ITPK1: variants seen among roughly 807,000 people sequenced by gnomAD.
ITPK1 encodes inositol-tetrakisphosphate 1-kinase.
Under a neutral mutation model 45.3 loss-of-function variants are expected in ITPK1, and 21 were observed. The ratio of observed to expected loss-of-function variants is 0.46; its 90% CI spans 0.33 to 0.67. The LOEUF (loss-of-function observed/expected upper bound fraction) is 0.67. ITPK1 is among the 30% of genes least tolerant of loss of function. The probability of loss-of-function intolerance (pLI) is 0.02; values close to 1 mark genes in which losing one functional copy is unlikely to be tolerated. For synonymous variants in ITPK1, 258 were observed against 253.6 expected (o/e 1.02, Z -0.16); for missense variants, 474 against 573.5 (o/e 0.83, Z 1.77).
At chr14:92,983,511 C>G (rs1451514940) in intron 5 of ITPK1, among the ~76,000 whole-genome samples, 1 of 152,152 alleles carries the variant, frequency 6.6e-6, no homozygotes, top group Non-Finnish European at 1.5e-5. Context: ...AGCCCAACAA[C>G]TCAACTAAAA....
rs1379166190 is a variant in ITPK1 at position 93,034,691 on chromosome 14, A to T, written c.121-17890T>A. Among the ~76,000 whole-genome samples, 1 of 152,248 alleles carries T rather than the reference A, an allele frequency of 6.6e-6. No individual in the cohort carries two copies. Among genetic ancestry groups the T allele is most frequent in the Non-Finnish European group, 1.5e-5 (1 of 68,038 alleles). ...ATGACCCACCAAGCAAGGGAGAAGCAGACACTGAGATGGAAGCGGCAGCTG... is the reference window on the plus strand; with the variant it reads ...ATGACCCACCAAGCAAGGGAGAAGCTGACACTGAGATGGAAGCGGCAGCTG... On this transcript the variant is annotated intron_variant, in intron 3 of 10. Transcript: ENST00000267615. This position sits in a 1 kb window ranked among gnomAD's most constrained non-coding sequence, Gnocchi z 4.1.
At position 93,076,669 on chromosome 14, in the gene ITPK1, G is replaced by C. The variant is rs773957660; in HGVS notation, c.96-50C>G. On this transcript the variant is annotated intron_variant, in intron 2 of 10. Coordinates refer to ENST00000267615, the MANE Select transcript of ITPK1 (RefSeq NM_014216.6). This position sits in a 1 kb window ranked among gnomAD's most constrained non-coding sequence, Gnocchi z 4.3. ...AGCGTTACTCCAGCAGGCTGGACAC[G>C]TCCTTTCCGAAGGTTCCCGACAGCC... 1.2e-6 allele frequency: 2 copies of C among 1,612,176 alleles called. No individual in the cohort carries two copies. The highest frequency in any genetic ancestry group is 2.7e-5 in the African/African-American group (2 of 74,902).
At position 92,941,276 on chromosome 14, in the gene ITPK1, C is replaced by G. The variant is rs1234627010; in HGVS notation, c.*285G>C. On this transcript the variant is annotated 3_prime_UTR_variant, in exon 11 of 11. Coordinates refer to ENST00000267615, the MANE Select transcript of ITPK1 (RefSeq NM_014216.6). ...ATACGCACACCCCTCACCTCCCATC[C>G]AGACCTAGTGTTGCAAACACAAGCG... 1.4e-6 allele frequency: 2 copies of G among 1,384,892 alleles called. No homozygotes were observed. The highest frequency in any genetic ancestry group is 1.6e-5 in the South Asian group (1 of 61,504). The allele number at this position is 1,384,892 out of a possible 1,614,324, so 85.8% of individuals were successfully genotyped here.
At chr14:92,952,117 T>G (rs993894219) in intron 8 of ITPK1, 104 bp from the exon 9 acceptor site, 1 of 915,720 alleles carries the variant, frequency 1.1e-6, no homozygotes, top group Non-Finnish European at 1.7e-6. Flanking sequence ...ACACAACACG[T>G]GGCCCCCGGC....
chr14:93,074,749 C>G (rs1891147754), intron 3 of ITPK1, among the ~76,000 whole-genome samples: 1 of 152,152 alleles, frequency 6.6e-6, no homozygotes, highest in African/African-American at 2.4e-5. Context: ...AGTGAACCAT[C>G]ATAGAGGGCT....
chr14:92,945,693 A>C (rs1056747350), intron 10 of ITPK1, among the ~76,000 whole-genome samples: 2 of 152,138 alleles, frequency 1.3e-5, no homozygotes, highest in African/African-American at 4.8e-5. Flanking sequence ...ATCGTTCCTC[A>C]TGCCCTGTGC....
rs1179019290 is a variant in ITPK1 at position 93,088,341 on chromosome 14, G to GTTTT, written c.96-11726_96-11723dup. On this transcript the variant is annotated intron_variant, in intron 2 of 10. Coordinates refer to ENST00000267615, the MANE Select transcript of ITPK1 (RefSeq NM_014216.6). ...ATCTTTTCTTTTTTGGTTTTGTTTTGTTTTTTTTTTTTTTTTGAGACAGGG... is the reference window on the plus strand; with the variant it reads ...ATCTTTTCTTTTTTGGTTTTGTTTTGTTTTTTTTTTTTTTTTTTTTGAGACAGGG... Among the ~76,000 whole-genome samples, 893 of 132,692 alleles carry GTTTT rather than the reference G, an allele frequency of 6.7e-3. 29 individuals carry two copies. The highest frequency in any genetic ancestry group is 0.024 in the African/African-American group (843 of 35,446). The allele number at this position is 132,692 out of a possible 152,430, so 87.1% of individuals were successfully genotyped here. A position where few individuals can be genotyped will look rare whatever the true frequency, so the allele number is the denominator to read the frequency against.
At chr14:93,100,126 G>A (rs1892249382) in intron 2 of ITPK1, among the ~76,000 whole-genome samples, 1 of 152,218 alleles carries the variant, frequency 6.6e-6, no homozygotes, top group Non-Finnish European at 1.5e-5. Flanking sequence ...AGAAGGGAAT[G>A]AGGCGCTGCA....
intron 2 of ITPK1, among the ~76,000 whole-genome samples, chr14:93,092,083 A>G (rs1035621145): frequency 4.6e-5 from 7 of 152,186 alleles, no homozygotes; most frequent in African/African-American, 1.4e-4. Context: ...GAACCCTTTT[A>G]TAAGCAAGGC....
intron 3 of ITPK1, among the ~76,000 whole-genome samples, chr14:93,065,468 T>C (rs1383006923): frequency 6.6e-6 from 1 of 152,214 alleles, no homozygotes; most frequent in African/African-American, 2.4e-5. Context: ...GTTCCTTATC[T>C]GCATGACCTC....
chr14:93,056,447 C>A (rs539156812), intron 3 of ITPK1, among the ~76,000 whole-genome samples: 4 of 152,306 alleles, frequency 2.6e-5, no homozygotes, highest in African/African-American at 9.6e-5. Context: ...ATGGGCGCCC[C>A]ATCAGTGCAG....
chr14:92,996,366 A>G (rs1460836955), intron 4 of ITPK1, among the ~76,000 whole-genome samples: 1 of 147,942 alleles, frequency 6.8e-6, no homozygotes, highest in African/African-American at 2.5e-5. Context: ...TCTCACTCAT[A>G]GGTGGGAATT....
In ITPK1 at chr14:92,941,908, G is replaced by A. The variant is rs1800532738; in HGVS notation, c.902-4C>T. 6.2e-7 allele frequency: 1 copy of A among 1,610,702 alleles called. No homozygotes were observed. Among genetic ancestry groups the A allele is most frequent in the Non-Finnish European group, 8.5e-7 (1 of 1,179,218 alleles). On this transcript the variant is annotated splice_polypyrimidine_tract_variant and splice_region_variant and intron_variant, in intron 10 of 10. Coordinates refer to ENST00000267615, the MANE Select transcript of ITPK1 (RefSeq NM_014216.6). ...AACTCGCTCACGCCCTCGTAGCCTG[G>A]GGGTGGGAGAGAGACAGCACAAGGG...
intron 4 of ITPK1, among the ~76,000 whole-genome samples, chr14:93,005,290 ACT>A (rs1887556107): frequency 6.6e-6 from 1 of 151,856 alleles, no homozygotes; most frequent in Non-Finnish European, 1.5e-5. Flanking sequence ...CAAAAAGAAA[ACT>A]CTGATGCAAT....
At chr14:92,998,643 T>G (rs1401213012) in intron 4 of ITPK1, among the ~76,000 whole-genome samples, 2 of 152,132 alleles carry the variant, frequency 1.3e-5, no homozygotes, top group Non-Finnish European at 2.9e-5. Flanking sequence ...GCATTCTCTC[T>G]TCTCAAATAT....
At chr14:92,970,118 C>T (rs1391477838) in intron 5 of ITPK1, among the ~76,000 whole-genome samples, 6 of 152,148 alleles carry the variant, frequency 3.9e-5, no homozygotes, top group Non-Finnish European at 7.3e-5. Flanking sequence ...ACAGAACTTA[C>T]AAGAAAACAA....
chr14:92,998,699 G>C (rs533434533), intron 4 of ITPK1, among the ~76,000 whole-genome samples: 8 of 152,126 alleles, frequency 5.3e-5, no homozygotes, highest in African/African-American at 1.9e-4. Context: ...TGGGAGGCAG[G>C]TAATCAGATC....
intron 3 of ITPK1, among the ~76,000 whole-genome samples, chr14:93,054,025 G>C (rs1018229745): frequency 6.6e-6 from 1 of 152,218 alleles, no homozygotes; most frequent in African/African-American, 2.4e-5. Context: ...CAAAGGCTTA[G>C]AAGCACTTCC....
intron 3 of ITPK1, among the ~76,000 whole-genome samples, chr14:93,037,738 G>A (rs1889380721): frequency 6.6e-6 from 1 of 152,234 alleles, no homozygotes; most frequent in Non-Finnish European, 1.5e-5. Context: ...CTCCTGCAGT[G>A]GAGATGGTGA....
Sources: gnomAD v4.1 joint callset for allele counts (sites outside exome capture counted in the v4.1 genomes callset) on GRCh38, gnomAD v4.1.1 for gene constraint, Gnocchi (gnomAD v3.1) non-coding constraint, MANE v1.5 for transcripts, NCBI Gene and HGNC (gene_info 2026-07-23, HGNC 2026-07-21) for gene names.